Variants in TNNT3 observed in about 807,000 individuals in gnomAD.
TNNT3 encodes the protein troponin T3, fast skeletal type, also known as troponin T, fast skeletal muscle.
Under a neutral mutation model 54.2 loss-of-function variants are expected in TNNT3, and 36 were observed. The observed-to-expected ratio is 0.66, with a 90% CI of 0.51 to 0.88. The LOEUF (loss-of-function observed/expected upper bound fraction) is 0.88, where lower values mean the gene tolerates loss of function less well. Among genes scored for constraint, TNNT3 ranks in the 40% least tolerant of loss-of-function variants. The pLI is 0.00. For synonymous variants in TNNT3, 120 were observed against 109.7 expected, an observed-to-expected ratio of 1.09 and a Z score of -0.59; for missense variants, 291 against 331.6, an observed-to-expected ratio of 0.88 and a Z score of 0.95.
In TNNT3 at chr11:1,932,620, G is replaced by A. The variant is rs540460498; in HGVS notation, c.171+106G>A. On this transcript the variant is annotated intron_variant, in intron 9 of 15. Transcript: ENST00000278317. ...TTCCTCCCAAGTAGCCAGAGCCGGG[G>A]CCTCCTGGGTCTGGGCAATTCTACC... The A allele has an allele frequency of 1.5e-5, 17 of 1,137,576 alleles. No homozygotes were observed. The South Asian group carries it at 2.1e-4, about 14-fold the overall frequency. The allele number at this position is 1,137,576 out of a possible 1,614,324, so 70.5% of individuals were successfully genotyped here. A position where few individuals can be genotyped will look rare whatever the true frequency, so the allele number is the denominator to read the frequency against.
chr11:1,923,443 G>C (rs1239030894), intron 3 of TNNT3, 112 bp from the exon 4 acceptor site: 7 of 1,173,122 alleles, frequency 6.0e-6, no homozygotes, highest in Middle Eastern at 1.9e-4. Flanking sequence ...TCTTGGGCAG[G>C]GGCAGTCGCT....
At chr11:1,937,764 GC>G (rs1855560410) in intron 15 of TNNT3, among the ~76,000 whole-genome samples, 1 of 152,162 alleles carries the variant, frequency 6.6e-6, no homozygotes, top group Non-Finnish European at 1.5e-5. Context: ...TGACCTCACG[GC>G]CTCCCTGTTG....
intron 14 of TNNT3, 83 bp from the exon 15 acceptor site, chr11:1,936,880 C>T (rs1360325619): frequency 2.7e-6 from 4 of 1,462,354 alleles, no homozygotes; most frequent in African/African-American, 1.4e-5. Flanking sequence ...CCCAGCCCAC[C>T]CTGCGGTGGA....
intron 1 of TNNT3, among the ~76,000 whole-genome samples, chr11:1,920,902 G>T (rs1849955911): frequency 6.6e-6 from 1 of 152,132 alleles, no homozygotes; most frequent in Non-Finnish European, 1.5e-5. Flanking sequence ...GAACAGAACA[G>T]CCTTGTGTTG....
chr11:1,920,265 G>A (rs1362616110), intron 1 of TNNT3, among the ~76,000 whole-genome samples: 1 of 152,192 alleles, frequency 6.6e-6, no homozygotes, highest in Non-Finnish European at 1.5e-5. Context: ...AACGAGGACA[G>A]GAGGGCAGGG....
chr11:1,927,920 T>A (rs1416840465), intron 6 of TNNT3: 1 of 152,306 alleles, frequency 6.6e-6, no homozygotes, highest in African/African-American at 2.4e-5. Context: ...GCCCCACCGC[T>A]CACTCCCGGT....
intron 3 of TNNT3, 32 bp from the exon 4 acceptor site, chr11:1,923,523 G>A (rs371623979): frequency 2.4e-5 from 39 of 1,613,722 alleles, no homozygotes; most frequent in Non-Finnish European, 3.0e-5. Context: ...CCCTTCTAAC[G>A]TGGTTCCCCT....
At position 1,926,368 on chromosome 11, in the gene TNNT3, C is replaced by T. The variant is rs1851577325; in HGVS notation, c.68-327C>T. On this transcript the variant is annotated intron_variant, in intron 5 of 15. Transcript: ENST00000278317. ...CTCCCCGCACGCACCCCACCCTCGGCCTCGAGTGGCGACGGGCTTTTCCAT... is the reference window on the plus strand; with the variant it reads ...CTCCCCGCACGCACCCCACCCTCGGTCTCGAGTGGCGACGGGCTTTTCCAT... 7 of 1,471,874 alleles carry T rather than the reference C, an allele frequency of 4.8e-6. No homozygotes were observed. In the African/African-American group the frequency reaches 5.6e-5, roughly 12 times the overall value. The allele number at this position is 1,471,874 out of a possible 1,614,324, so 91.2% of individuals were successfully genotyped here.
intron 8 of TNNT3, among the ~76,000 whole-genome samples, chr11:1,931,748 G>A (rs751671632): frequency 8.0e-6 from 1 of 124,504 alleles, no homozygotes; most frequent in Non-Finnish European, 1.6e-5. Flanking sequence ...ACATACATAC[G>A]TTTTTCATTT....
At position 1,935,318 on chromosome 11, in the gene TNNT3, C is replaced by T. The variant is rs144262469; in HGVS notation, c.681+399C>T. On this transcript the variant is annotated intron_variant, in intron 14 of 15. Coordinates refer to ENST00000278317, the MANE Select transcript of TNNT3 (RefSeq NM_006757.4). ...GGCACCGAGTCCGTCTGGTGTGGGGCGTCCTTTCGACAGAGCCTCCTCCAC... is the reference window on the plus strand; with the variant it reads ...GGCACCGAGTCCGTCTGGTGTGGGGTGTCCTTTCGACAGAGCCTCCTCCAC... 3.6e-5 allele frequency: 12 copies of T among 336,530 alleles called. No homozygotes were observed. In the East Asian group the frequency reaches 8.4e-4, roughly 24 times the overall value. The allele number at this position is 336,530 out of a possible 1,614,324, so 20.8% of individuals were successfully genotyped here.
Position 1,923,572 on chromosome 11 carries a change from G to C in TNNT3, c.49G>C (p.Glu17Gln). Residue 17 changes from glutamate to glutamine, a missense_variant and splice_region_variant, in exon 4 of 16, where the codon GAG (glutamate) becomes CAG (glutamine). Coordinates refer to ENST00000278317, the MANE Select transcript of TNNT3 (RefSeq NM_006757.4). ...EQVEEQYEEE[E>Q]EAQEEEEVQE... ...CAATGCAGAGCAGTACGAAGAAGAAGGTAATTCTGGCAACCACCGGAAGCC... is the reference window on the plus strand; with the variant it reads ...CAATGCAGAGCAGTACGAAGAAGAACGTAATTCTGGCAACCACCGGAAGCC... 2 of 1,613,692 alleles carry C rather than the reference G, an allele frequency of 1.2e-6. No individual in the cohort carries two copies. The highest frequency in any genetic ancestry group is 1.7e-6 in the Non-Finnish European group (2 of 1,179,888).
At position 1,929,201 on chromosome 11, in the gene TNNT3, G is replaced by GAAAGA. The variant is rs1852554580; in HGVS notation, c.106+59_106+63dup. The GAAAGA allele has an allele frequency of 5.6e-6, 9 of 1,596,456 alleles. No homozygotes were observed. In the East Asian group the frequency reaches 2.0e-4, roughly 36 times the overall value. On this transcript the variant is annotated intron_variant, in intron 7 of 15. Transcript: ENST00000278317. ...GACCCTGGCTCTAGCCGACGCGAGG[G>GAAAGA]AAAGAGGACAGGCTGGGGTCTCTCG...
At chr11:1,923,628 C>A (rs375214921) in intron 4 of TNNT3, 56 bp downstream of exon 4, 9 of 1,412,596 alleles carry the variant, frequency 6.4e-6, no homozygotes, top group South Asian at 4.6e-5. Context: ...CTTAACCCCC[C>A]TCTCCCGTGT....
chr11:1,926,634 C>T lies in TNNT3; in HGVS notation c.68-61C>T, dbSNP rs563955826. The T allele has an allele frequency of 4.4e-5, 71 of 1,612,246 alleles. No homozygotes were observed. The East Asian group carries it at 1.6e-3, about 35-fold the overall frequency. On this transcript the variant is annotated intron_variant, in intron 5 of 15. Coordinates refer to ENST00000278317, the MANE Select transcript of TNNT3 (RefSeq NM_006757.4). ...GCCCGCCCTCCTCTCTGCGCTGCCA[C>T]CACTCACACTGGTCCTCTCTCTCTC...
At chr11:1,925,294 T>C in intron 5 of TNNT3, 178 bp downstream of exon 5, 1 of 1,592,784 alleles carries the variant, frequency 6.3e-7, no homozygotes, top group Non-Finnish European at 8.6e-7. Context: ...GACACAGGAC[T>C]TCTTGTCCCC....
At chr11:1,926,575 C>T in intron 5 of TNNT3, 120 bp from the exon 6 acceptor site, 3 of 1,607,004 alleles carry the variant, frequency 1.9e-6, no homozygotes, top group Non-Finnish European at 2.6e-6. Context: ...TAACCCTGCA[C>T]AGCCTGGCCT....
chr11:1,926,491 TG>T (rs1288195987), intron 5 of TNNT3: 5 of 1,613,102 alleles, frequency 3.1e-6, no homozygotes, highest in Non-Finnish European at 4.2e-6. Flanking sequence ...GGTACGTGCA[TG>T]ACTTCGATGC....
At chr11:1,924,325 G>A (rs781757277) in intron 4 of TNNT3, among the ~76,000 whole-genome samples, 3 of 152,186 alleles carry the variant, frequency 2.0e-5, no homozygotes, top group South Asian at 2.1e-4. Flanking sequence ...AGGCGTGGGC[G>A]GGTGTGGGCG....
At chr11:1,924,348 G>A (rs769906864) in intron 4 of TNNT3, among the ~76,000 whole-genome samples, 10 of 152,306 alleles carry the variant, frequency 6.6e-5, no homozygotes, top group African/African-American at 1.2e-4. Context: ...CCTGGGAACC[G>A]TGTGGGGTGG....
Sources: allele counts gnomAD v4.1 joint callset (sites outside exome capture counted in the v4.1 genomes callset), GRCh38; gene constraint gnomAD v4.1.1; transcripts MANE v1.5; gene names NCBI Gene and HGNC (gene_info 2026-07-23, HGNC 2026-07-21).